Variants in BTRC observed in about 807,000 individuals in gnomAD.
BTRC encodes beta-transducin repeat containing E3 ubiquitin protein ligase.
A neutral mutation model predicts 85.5 loss-of-function variants in BTRC; 42 were observed. The observed-to-expected ratio is 0.49, with a 90% CI of 0.38 to 0.64. The LOEUF (loss-of-function observed/expected upper bound fraction) is 0.64. Among genes scored for constraint, BTRC ranks in the 30% least tolerant of loss-of-function variants. The probability of loss-of-function intolerance (pLI) is 0.00; values close to 1 mark genes in which losing one functional copy is unlikely to be tolerated. For synonymous variants in BTRC, 255 were observed against 263.3 expected, an observed-to-expected ratio of 0.97 and a Z score of 0.30; for missense variants, 594 against 743.5, an observed-to-expected ratio of 0.80 and a Z score of 2.34.
chr10:101,512,218 C>G (rs952511240), intron 4 of BTRC, among the ~76,000 whole-genome samples: 1 of 152,186 alleles, frequency 6.6e-6, no homozygotes, highest in Non-Finnish European at 1.5e-5. Context: ...ACAGCCTTAT[C>G]CCCTGCAAAA....
chr10:101,485,119 G>C (rs957489853), intron 4 of BTRC, among the ~76,000 whole-genome samples: 58 of 152,178 alleles, frequency 3.8e-4, no homozygotes, highest in African/African-American at 1.4e-3. Context: ...CATTGGTTGA[G>C]GAAAGTGTAA....
At chr10:101,374,525 C>T (rs1403966229) in intron 1 of BTRC, among the ~76,000 whole-genome samples, 1 of 146,694 alleles carries the variant, frequency 6.8e-6, no homozygotes, top group Non-Finnish European at 1.5e-5. Flanking sequence ...AGTAAACTAT[C>T]GCAAGAACAA....
intron 2 of BTRC, among the ~76,000 whole-genome samples, chr10:101,451,755 T>C (rs1407732574): frequency 1.3e-5 from 2 of 152,180 alleles, no homozygotes; most frequent in Non-Finnish European, 1.5e-5. Context: ...TCATCGTGCC[T>C]TTAAATCGTG....
chr10:101,476,425 A>T (rs548132879), intron 3 of BTRC, among the ~76,000 whole-genome samples: 3 of 152,330 alleles, frequency 2.0e-5, no homozygotes, highest in South Asian at 2.1e-4. Flanking sequence ...AGATATTAAC[A>T]TATGGAGAAG....
chr10:101,537,527 C>CA (rs1564834772), intron 12 of BTRC, among the ~76,000 whole-genome samples: 2 of 150,964 alleles, frequency 1.3e-5, no homozygotes, highest in South Asian at 2.1e-4. Flanking sequence ...GACTCCGTCT[C>CA]AAAAAAAGAA....
At position 101,538,378 on chromosome 10, in the gene BTRC, G is replaced by C; in HGVS notation, c.1656+7G>C. 3 of 1,610,622 alleles carry C rather than the reference G, an allele frequency of 1.9e-6. No individual in the cohort carries two copies. Among genetic ancestry groups the C allele is most frequent in the Non-Finnish European group, 8.5e-7 (1 of 1,176,800 alleles). ...CTGTCTACGGACCCTTGTGGTAAGA[G>C]CCTTGCTGTTTAGAGAGCATTGGAG... is the stretch of plus-strand genomic sequence containing the variant. On this transcript the variant is annotated splice_region_variant and intron_variant, in intron 13 of 14. Coordinates refer to ENST00000370187, the MANE Select transcript of BTRC (RefSeq NM_033637.4).
intron 1 of BTRC, among the ~76,000 whole-genome samples, chr10:101,397,396 A>AC (rs1189539513): frequency 3.3e-5 from 5 of 152,214 alleles, no homozygotes; most frequent in African/African-American, 9.6e-5. Context: ...CTGAAAGTAA[A>AC]TAGTGTAAGA....
intron 1 of BTRC, among the ~76,000 whole-genome samples, chr10:101,422,826 A>G (rs969627623): frequency 1.3e-5 from 2 of 152,050 alleles, no homozygotes; most frequent in Non-Finnish European, 2.9e-5. Flanking sequence ...CCATTGGTCT[A>G]TATCTCTGTT....
At position 101,537,359 on chromosome 10, in the gene BTRC, C is replaced by T. The variant is rs1277483505; in HGVS notation, c.1577+706C>T. On this transcript the variant is annotated intron_variant, in intron 12 of 14. Coordinates refer to ENST00000370187, the MANE Select transcript of BTRC (RefSeq NM_033637.4). Reference sequence around the variant, plus strand: ...CCTGGCCAACATGGCAAAACCCAGTCTCTACTAAAAGTACAAAAATTAGCC... The same window carrying T: ...CCTGGCCAACATGGCAAAACCCAGTTTCTACTAAAAGTACAAAAATTAGCC... Among the ~76,000 whole-genome samples, 10 of 152,108 alleles carry T rather than the reference C, an allele frequency of 6.6e-5. No individual in the cohort carries two copies. The East Asian group carries it at 1.9e-3, about 29-fold the overall frequency.
chr10:101,501,331 T>A (rs1202770149), intron 4 of BTRC, among the ~76,000 whole-genome samples: 1 of 152,234 alleles, frequency 6.6e-6, no homozygotes. Flanking sequence ...ACTCAAAGTT[T>A]AAGAGCCAGA....
At chr10:101,481,240 A>G (rs1437293915) in intron 4 of BTRC, among the ~76,000 whole-genome samples, 3 of 152,210 alleles carry the variant, frequency 2.0e-5, no homozygotes, top group African/African-American at 4.8e-5. Flanking sequence ...CACTGCACCC[A>G]GCCCAAGTCT....
intron 2 of BTRC, among the ~76,000 whole-genome samples, chr10:101,452,532 A>G (rs1283120088): frequency 6.6e-6 from 1 of 152,236 alleles, no homozygotes; most frequent in Non-Finnish European, 1.5e-5. Flanking sequence ...ATTTTGAGAA[A>G]GGATGCATCT....
At chr10:101,527,377 C>T (rs995403800) in intron 6 of BTRC, among the ~76,000 whole-genome samples, 4 of 151,858 alleles carry the variant, frequency 2.6e-5, no homozygotes, top group African/African-American at 7.3e-5. Context: ...ATCATTCTGG[C>T]TATTAGGAAG....
intron 1 of BTRC, among the ~76,000 whole-genome samples, chr10:101,383,877 ATTTAT>A (rs1564739759): frequency 6.6e-6 from 1 of 151,988 alleles, no homozygotes; most frequent in African/African-American, 2.4e-5. Flanking sequence ...TATTTTATCT[ATTTAT>A]TTATTTATTT....
At chr10:101,508,846 G>A (rs901697534) in intron 4 of BTRC, among the ~76,000 whole-genome samples, 5 of 146,460 alleles carry the variant, frequency 3.4e-5, no homozygotes, top group African/African-American at 4.9e-5. Flanking sequence ...CCCAGGAGGC[G>A]GAGCTTGCAG....
intron 4 of BTRC, among the ~76,000 whole-genome samples, chr10:101,510,936 A>G (rs1365033298): frequency 6.6e-6 from 1 of 152,068 alleles, no homozygotes; most frequent in African/African-American, 2.4e-5. Context: ...TCAGCCTTCT[A>G]ATTGATCTTT....
rs567905811 is a variant in BTRC, at chr10:101,510,186, G to A, written c.325-11453G>A. 3.6e-4 allele frequency among the ~76,000 whole-genome samples: 54 copies of A among 151,398 alleles called. 2 individuals carry two copies. The highest frequency in any genetic ancestry group is 6.3e-4 in the Non-Finnish European group (43 of 67,836). The stretch of plus-strand genomic sequence containing the variant: ...AAGATGCTTTTACAAAGAAATCAAA[G>A]GAAAATAATCGGAAAAAGATCTTTT... On this transcript the variant is annotated intron_variant, in intron 4 of 14. Transcript: ENST00000370187.
rs1589422718 is a variant in BTRC, at chr10:101,399,620, A to G, written c.49-30725A>G. ...CCCTTTCTCCTAACAGAAGTTTTTA[A>G]AGCTAACAGATTTTAATAGATTTGC... On this transcript the variant is annotated intron_variant, in intron 1 of 14. Coordinates refer to ENST00000370187, the MANE Select transcript of BTRC (RefSeq NM_033637.4). Among the ~76,000 whole-genome samples the G allele has an allele frequency of 2.6e-5, 4 of 152,312 alleles. No homozygotes were observed. In the South Asian group the frequency reaches 8.3e-4, roughly 32 times the overall value.
chr10:101,437,923 A>C (rs1026184364), intron 2 of BTRC, among the ~76,000 whole-genome samples: 1 of 152,206 alleles, frequency 6.6e-6, no homozygotes, highest in Non-Finnish European at 1.5e-5. Context: ...ATTCAGCTCA[A>C]GCTGAGCTAG....
Sources: allele counts gnomAD v4.1 joint callset (sites outside exome capture counted in the v4.1 genomes callset), GRCh38; gene constraint gnomAD v4.1.1; transcripts MANE v1.5; gene names NCBI Gene and HGNC (gene_info 2026-07-23, HGNC 2026-07-21).